The following TGFBR3 variants were observed in gnomAD, a reference collection of about 807,000 sequenced individuals.
The protein encoded by TGFBR3 is transforming growth factor beta receptor 3, also known as transforming growth factor beta receptor type 3.
A neutral mutation model predicts 87.9 loss-of-function variants in TGFBR3; 46 were observed. The ratio of observed to expected loss-of-function variants is 0.52; its 90% confidence interval spans 0.41 to 0.67. The LOEUF (loss-of-function observed/expected upper bound fraction) is 0.67, where lower values mean the gene tolerates loss of function less well. Among genes scored for constraint, TGFBR3 ranks in the 30% least tolerant of loss-of-function variants. The probability of loss-of-function intolerance (pLI) is 0.00; values close to 1 mark genes in which losing one functional copy is unlikely to be tolerated. For synonymous variants in TGFBR3, 381 were observed against 391.6 expected, an observed-to-expected ratio of 0.97 and a Z score of 0.32; for missense variants, 866 against 1,041.9, an observed-to-expected ratio of 0.83 and a Z score of 2.32.
At chr1:91,876,095 ATGGGGGTGTGG>A (rs905527345) in intron 1 of TGFBR3, among the ~76,000 whole-genome samples, 10 of 149,690 alleles carry the variant, frequency 6.7e-5, no homozygotes, top group Non-Finnish European at 1.3e-4. Context: ...CTAGCACCTC[ATGGGGGTGTGG>A]TGGGGGTGTG....
At chr1:91,835,670 T>C (rs183646357) in intron 2 of TGFBR3, among the ~76,000 whole-genome samples, 1,536 of 151,176 alleles carry the variant, frequency 0.01, 27 homozygotes, top group African/African-American at 0.036. Context: ...CTACTAAAAA[T>C]ACAAAAAATT....
chr1:91,819,875 G>A (rs1392911341), intron 2 of TGFBR3, among the ~76,000 whole-genome samples: 1 of 152,112 alleles, frequency 6.6e-6, no homozygotes, highest in Non-Finnish European at 1.5e-5. Flanking sequence ...TCAGAAAATG[G>A]GGAAAGAAAA....
intron 2 of TGFBR3, among the ~76,000 whole-genome samples, chr1:91,847,272 T>A (rs1557741863): frequency 6.6e-6 from 1 of 152,112 alleles, no homozygotes; most frequent in Non-Finnish European, 1.5e-5. Context: ...CTAAAAAATG[T>A]TAATTTTTTA....
At chr1:91,839,640 G>A (rs1275696529) in intron 2 of TGFBR3, among the ~76,000 whole-genome samples, 1 of 152,060 alleles carries the variant, frequency 6.6e-6, no homozygotes, top group Non-Finnish European at 1.5e-5. Context: ...GTAATCCTGA[G>A]AGAATGTCAG....
intron 14 of TGFBR3, 70 bp from the exon 15 acceptor site, chr1:91,698,200 C>T: frequency 9.0e-6 from 12 of 1,339,160 alleles, no homozygotes; most frequent in Non-Finnish European, 1.3e-5. Context: ...TCATCAAAGT[C>T]TCAGCAGAAA....
chr1:91,832,051 A>G (rs2101088540), intron 2 of TGFBR3, among the ~76,000 whole-genome samples: 1 of 152,372 alleles, frequency 6.6e-6, no homozygotes, highest in Non-Finnish European at 1.5e-5. Context: ...ATCTAATAAT[A>G]GAGCAGACTG....
At chr1:91,786,802 A>T (rs1674987682) in intron 3 of TGFBR3, among the ~76,000 whole-genome samples, 3 of 152,214 alleles carry the variant, frequency 2.0e-5, no homozygotes, top group Admixed American at 2.0e-4. Flanking sequence ...ATGGTTCAAA[A>T]GTTCCAAGAT....
intron 2 of TGFBR3, among the ~76,000 whole-genome samples, chr1:91,798,436 G>A (rs975424909): frequency 1.5e-4 from 23 of 152,004 alleles, no homozygotes; most frequent in African/African-American, 5.6e-4. Context: ...CCCACTCCAC[G>A]TCAACTTATT....
At chr1:91,740,660 C>T (rs1286857425) in intron 4 of TGFBR3, among the ~76,000 whole-genome samples, 5 of 152,152 alleles carry the variant, frequency 3.3e-5, no homozygotes, top group Admixed American at 6.5e-5. Context: ...CCACTGTGCC[C>T]GGTCACAGGA....
intron 2 of TGFBR3, among the ~76,000 whole-genome samples, chr1:91,826,635 G>A (rs923921175): frequency 1.3e-5 from 2 of 151,650 alleles, no homozygotes; most frequent in African/African-American, 4.9e-5. Flanking sequence ...CTAAGCACCA[G>A]CACATCCTTC....
rs115554150 is a variant in TGFBR3 at position 91,704,751 on chromosome 1, C to T, written c.2287+3912G>A. 7.5e-3 allele frequency among the ~76,000 whole-genome samples: 1,138 copies of T among 152,230 alleles called. 6 individuals carry two copies. Among genetic ancestry groups the T allele is most frequent in the Middle Eastern group, 0.024 (7 of 294 alleles). ...AAGAACGCTAACCCAACACTGATTC[C>T]CAAGGGACTTAGAGATCAAAAGTGG... On this transcript the variant is annotated intron_variant, in intron 14 of 16. Coordinates refer to ENST00000212355, the MANE Select transcript of TGFBR3 (RefSeq NM_003243.5).
chr1:91,892,072 C>T (rs895039754), intron 2 of TGFBR3, among the ~76,000 whole-genome samples: 4 of 152,206 alleles, frequency 2.6e-5, no homozygotes, highest in African/African-American at 9.7e-5. Context: ...AGCAAATTTT[C>T]TCACAGTAAC....
At chr1:91,848,529 A>C (rs1449777486) in intron 2 of TGFBR3, among the ~76,000 whole-genome samples, 1 of 152,228 alleles carries the variant, frequency 6.6e-6, no homozygotes, top group East Asian at 1.9e-4. Context: ...TCCTTATTAT[A>C]AAATATATTT....
At chr1:91,772,995 C>G (rs770471130) in intron 3 of TGFBR3, among the ~76,000 whole-genome samples, 1 of 152,176 alleles carries the variant, frequency 6.6e-6, no homozygotes, top group Non-Finnish European at 1.5e-5. Flanking sequence ...GTCTGAGAAA[C>G]AGAGGAAATT....
Position 91,680,891 on chromosome 1 carries a change from G to A in TGFBR3, c.*2848C>T, listed in dbSNP as rs1477479544. On this transcript the variant is annotated 3_prime_UTR_variant, in exon 17 of 17. Transcript: ENST00000212355. ...TTTTTTTTGTTTAGAAAATGCTATA[G>A]AAACAGTTTAGACAGAAGAAATCTC... 5 of 452,016 alleles carry A rather than the reference G, an allele frequency of 1.1e-5. No individual in the cohort carries two copies. Among genetic ancestry groups the A allele is most frequent in the South Asian group, 7.8e-5 (5 of 63,988 alleles). The allele number at this position is 452,016 out of a possible 1,614,324, so 28.0% of individuals were successfully genotyped here. A position where few individuals can be genotyped will look rare whatever the true frequency, so the allele number is the denominator to read the frequency against.
intron 3 of TGFBR3, among the ~76,000 whole-genome samples, chr1:91,765,221 C>G (rs1375332394): frequency 6.7e-6 from 1 of 149,566 alleles, no homozygotes; most frequent in Non-Finnish European, 1.5e-5. Context: ...TCTTCAAGGG[C>G]AGAAACTGAG....
Position 91,681,395 on chromosome 1 carries a change from CCT to C in TGFBR3, c.*2342_*2343del, listed in dbSNP as rs751440711. On this transcript the variant is annotated 3_prime_UTR_variant, in exon 17 of 17. Coordinates refer to ENST00000212355, the MANE Select transcript of TGFBR3 (RefSeq NM_003243.5). ...CAAACAAATAAAAGGTGATTTTTTT[CCT>C]CTCTCTCTCTTTTAAAAAGATCTTT... 1.2e-4 allele frequency: 46 copies of C among 397,044 alleles called. No homozygotes were observed. Among genetic ancestry groups the C allele is most frequent in the East Asian group, 3.0e-4 (4 of 13,424 alleles). The allele number at this position is 397,044 out of a possible 1,614,324, so 24.6% of individuals were successfully genotyped here.
At chr1:91,805,086 C>G (rs1675780532) in intron 2 of TGFBR3, among the ~76,000 whole-genome samples, 3 of 152,230 alleles carry the variant, frequency 2.0e-5, no homozygotes, top group South Asian at 4.1e-4. Context: ...CACAGAAACT[C>G]TATAACCCAC....
At chr1:91,691,532 C>T (rs929484634) in intron 16 of TGFBR3, among the ~76,000 whole-genome samples, 12 of 152,172 alleles carry the variant, frequency 7.9e-5, no homozygotes, top group African/African-American at 2.9e-4. Context: ...AAACTGTCTA[C>T]CAGGTGTTTC....
Sources: allele counts gnomAD v4.1 joint callset (sites outside exome capture counted in the v4.1 genomes callset), GRCh38; gene constraint gnomAD v4.1.1; transcripts MANE v1.5; gene names NCBI Gene and HGNC (gene_info 2026-07-23, HGNC 2026-07-21).